Variants in SIL1 observed in about 807,000 individuals in gnomAD.
SIL1 encodes the protein nucleotide exchange factor SIL1.
SIL1 carries 40 observed loss-of-function variants against 49.1 expected under a neutral mutation model. The observed-to-expected ratio is 0.81, with a 90% CI of 0.63 to 1.06. The LOEUF is 1.06. Ranked by LOEUF, SIL1 falls within the 50% of genes least tolerant of loss-of-function variation. The pLI, the probability that SIL1 is intolerant of heterozygous loss-of-function variation, is 0.00. For missense variants in SIL1, 500 were observed against 572.6 expected, an observed-to-expected ratio of 0.87 and a Z score of 1.29; for synonymous variants, 253 against 250.8, an observed-to-expected ratio of 1.01 and a Z score of -0.08.
chr5:138,971,524 C>T (rs1340688495), intron 7 of SIL1, among the ~76,000 whole-genome samples: 4 of 152,166 alleles, frequency 2.6e-5, no homozygotes, highest in Non-Finnish European at 5.9e-5. Flanking sequence ...AGGGTTTTCT[C>T]ACCAACTAAC....
At chr5:139,093,647 C>T (rs889697458) in intron 3 of SIL1, among the ~76,000 whole-genome samples, 2 of 152,256 alleles carry the variant, frequency 1.3e-5, no homozygotes, top group African/African-American at 4.8e-5. Flanking sequence ...GTATCTACAA[C>T]ACACTGTGTG....
intron 1 of SIL1, among the ~76,000 whole-genome samples, chr5:139,184,901 T>C (rs1752051815): frequency 6.6e-6 from 1 of 152,270 alleles, no homozygotes; most frequent in African/African-American, 2.4e-5. Flanking sequence ...GAGAAATCCA[T>C]ATGTCAGGAA....
At chr5:139,027,164 C>A (rs1768676774) in intron 5 of SIL1, among the ~76,000 whole-genome samples, 172 bp from the exon 6 acceptor site, 1 of 152,202 alleles carries the variant, frequency 6.6e-6, no homozygotes, top group Non-Finnish European at 1.5e-5. Context: ...GAGAAGACAG[C>A]CCTCAAAGTC....
At chr5:139,014,605 C>T (rs1487631224) in intron 7 of SIL1, among the ~76,000 whole-genome samples, 1 of 152,104 alleles carries the variant, frequency 6.6e-6, no homozygotes, top group African/African-American at 2.4e-5. Context: ...GTGGTGCCTC[C>T]CTCCCCAGAA....
chr5:139,163,488 G>A (rs937848298), intron 1 of SIL1, among the ~76,000 whole-genome samples: 30 of 151,872 alleles, frequency 2.0e-4, no homozygotes, highest in African/African-American at 7.0e-4. Flanking sequence ...TCCTGCCTCC[G>A]CCTCCTGAGT....
chr5:139,078,623 T>C (rs1237456642), intron 3 of SIL1, among the ~76,000 whole-genome samples: 2 of 152,192 alleles, frequency 1.3e-5, no homozygotes, highest in South Asian at 2.1e-4. Flanking sequence ...AACCTGCATG[T>C]CAACTCTTCC....
At chr5:138,997,026 G>C (rs1275766868) in intron 7 of SIL1, among the ~76,000 whole-genome samples, 1 of 152,126 alleles carries the variant, frequency 6.6e-6, no homozygotes. Context: ...TTGAATTCCA[G>C]GGCTCAAGCA....
chr5:139,028,495 C>CACAAAACAAAACAAAACAAA (rs56269800), intron 5 of SIL1, among the ~76,000 whole-genome samples: 2 of 149,184 alleles, frequency 1.3e-5, no homozygotes, highest in Non-Finnish European at 3.0e-5. Flanking sequence ...GAGACTCCAT[C>CACAAAACAAAACAAAACAAA]ACAAAACAAA....
intron 5 of SIL1, chr5:139,032,810 A>G (rs1164092083): frequency 2.0e-5 from 3 of 152,184 alleles, no homozygotes; most frequent in African/African-American, 7.2e-5. Flanking sequence ...AAACAGCTGG[A>G]CTATTTCATG....
intron 7 of SIL1, among the ~76,000 whole-genome samples, chr5:138,985,132 A>T (rs759423585): frequency 1.1e-4 from 17 of 152,200 alleles, no homozygotes; most frequent in Non-Finnish European, 2.5e-4. Flanking sequence ...CTGATGTGGG[A>T]CCAAGAAACC....
chr5:139,174,211 T>A (rs1369408422), intron 1 of SIL1, among the ~76,000 whole-genome samples: 4 of 152,052 alleles, frequency 2.6e-5, no homozygotes, highest in Admixed American at 1.3e-4. Flanking sequence ...TGGACTTTTT[T>A]AAAACAGGCC....
chr5:139,111,556 A>G (rs1188455636), intron 3 of SIL1, among the ~76,000 whole-genome samples: 1 of 152,134 alleles, frequency 6.6e-6, no homozygotes. Flanking sequence ...CTCCATCACT[A>G]TAAGCCCAAG....
At chr5:138,980,836 T>C (rs1484787146) in intron 7 of SIL1, among the ~76,000 whole-genome samples, 1 of 152,136 alleles carries the variant, frequency 6.6e-6, no homozygotes, top group African/African-American at 2.4e-5. Flanking sequence ...TCTCCTGTGC[T>C]TGGTAACAAC....
intron 3 of SIL1, among the ~76,000 whole-genome samples, chr5:139,102,500 A>AG (rs1491411825): frequency 1.6e-4 from 9 of 57,922 alleles, no homozygotes; most frequent in Non-Finnish European, 3.6e-4. Context: ...AAAAAAAAAA[A>AG]AGAGAGAGAG....
chr5:139,110,531 A>G (rs1483225009), intron 3 of SIL1, among the ~76,000 whole-genome samples: 2 of 152,232 alleles, frequency 1.3e-5, no homozygotes, highest in African/African-American at 4.8e-5. Context: ...TCCACATATT[A>G]TGGGAAATAA....
chr5:139,117,457 G>T (rs1771017207), intron 3 of SIL1, among the ~76,000 whole-genome samples: 1 of 152,190 alleles, frequency 6.6e-6, no homozygotes, highest in African/African-American at 2.4e-5. Context: ...TCTGGCTATA[G>T]ATGATGCCCA....
rs192840517 is a variant in SIL1, at chr5:139,113,816, G to T, written c.244+7219C>A. On this transcript the variant is annotated intron_variant, in intron 3 of 9. Transcript: ENST00000394817. ...GGTTCTCTGAACTAAAACAAAGTCTGTGGCATGAGGGCTGGGACTATTTTG... is the reference window on the plus strand; with the variant it reads ...GGTTCTCTGAACTAAAACAAAGTCTTTGGCATGAGGGCTGGGACTATTTTG... Among the ~76,000 whole-genome samples the T allele has an allele frequency of 2.2e-3, 332 of 152,338 alleles. 3 individuals are homozygous for T. Among genetic ancestry groups the T allele is most frequent in the Non-Finnish European group, 3.8e-3 (256 of 68,026 alleles).
At chr5:139,146,036 G>A (rs1275942005) in intron 1 of SIL1, among the ~76,000 whole-genome samples, 1 of 152,038 alleles carries the variant, frequency 6.6e-6, no homozygotes, top group East Asian at 1.9e-4. Flanking sequence ...TAGAGATGGG[G>A]TCTCACTATA....
intron 8 of SIL1, 82 bp downstream of exon 8, chr5:138,951,706 C>T: frequency 7.5e-7 from 1 of 1,326,654 alleles, no homozygotes; most frequent in Non-Finnish European, 1.1e-6. Context: ...TGGTAACATG[C>T]ACAGCCTGGA....
Sources: gnomAD v4.1 joint callset for allele counts (sites outside exome capture counted in the v4.1 genomes callset) on GRCh38, gnomAD v4.1.1 for gene constraint, MANE v1.5 for transcripts, NCBI Gene and HGNC (gene_info 2026-07-23, HGNC 2026-07-21) for gene names.